UBE2M: variants seen among roughly 807,000 people sequenced by gnomAD.
UBE2M encodes the protein NEDD8-conjugating enzyme Ubc12.
A neutral mutation model predicts 23.5 loss-of-function variants in UBE2M; 2 were observed. The ratio of observed to expected loss-of-function variants is 0.09; its 90% CI spans 0.03 to 0.27. UBE2M has a LOEUF of 0.27. Ranked by LOEUF, UBE2M falls within the 10% of genes least tolerant of loss-of-function variation. The probability of loss-of-function intolerance (pLI) is 1.00; values close to 1 mark genes in which losing one functional copy is unlikely to be tolerated. For missense variants in UBE2M, 103 were observed against 232.9 expected (o/e 0.44, Z 3.63); for synonymous variants, 97 against 95.2 (o/e 1.02, Z -0.11).
At position 58,557,118 on chromosome 19, in the gene UBE2M, C is replaced by A. The variant is rs137890092; in HGVS notation, c.149G>T (p.Ser50Ile). ...GAGGAGGTCGTCTGGATCTGAGAAG[C>A]TGATATCACACGTCTTGGGCAGGTT... The part of the protein sequence containing the change: ...ELNLPKTCDI[S>I]FSDPDDLLNF... Residue 50 changes from serine to isoleucine, a missense_variant, in exon 2 of 6, where the codon AGC (serine) becomes ATC (isoleucine). Around this residue, in one of 3 missense-constraint regions of UBE2M, gnomAD observed 57 missense variants for 103.3 expected, o/e 0.55. Coordinates refer to ENST00000253023, the MANE Select transcript of UBE2M (RefSeq NM_003969.4). 2.8e-3 allele frequency: 4,460 copies of A among 1,614,040 alleles called. 11 individuals carry two copies. The highest frequency in any genetic ancestry group is 3.4e-3 in the Non-Finnish European group (4,048 of 1,179,982).
intron 1 of UBE2M, among the ~76,000 whole-genome samples, chr19:58,557,886 C>T (rs567153733): frequency 6.6e-6 from 1 of 151,914 alleles, no homozygotes; most frequent in South Asian, 2.1e-4. Context: ...ACTAAATCCT[C>T]TTCCACTCAT....
In UBE2M at chr19:58,556,146, C is replaced by T; in HGVS notation, c.495G>A (p.Gln165=). Residue 165 remains glutamine (Q), a synonymous_variant, in exon 6 of 6, where the codon CAG becomes CAA. Coordinates refer to ENST00000253023, the MANE Select transcript of UBE2M (RefSeq NM_003969.4). This position sits in a 1 kb window ranked among gnomAD's most constrained non-coding sequence, Gnocchi z 4.9. ...CGATGTAGCCACCCCGCATGGAGCG[C>T]TGCACGTTCTGCTCAAACAGCCGCC... The part of the protein sequence containing the change: ...NNRRLFEQNV[Q]RSMRGGYIGS... 1.9e-6 allele frequency: 3 copies of T among 1,613,864 alleles called. No individual in the cohort carries two copies. The highest frequency in any genetic ancestry group is 2.5e-6 in the Non-Finnish European group (3 of 1,179,982).
intron 1 of UBE2M, among the ~76,000 whole-genome samples, chr19:58,557,743 C>T (rs1009429983): frequency 6.6e-6 from 1 of 151,158 alleles, no homozygotes; most frequent in Non-Finnish European, 1.5e-5. Context: ...CCCTGGTACT[C>T]ATTAACCTTC....
At position 58,558,269 on chromosome 19, in the gene UBE2M, C is replaced by G. The variant is rs755471647; in HGVS notation, c.109+4G>C. 3 of 1,600,598 alleles carry G rather than the reference C, an allele frequency of 1.9e-6. No homozygotes were observed. The highest frequency in any genetic ancestry group is 1.7e-4 in the Middle Eastern group (1 of 6,050). The stretch of plus-strand genomic sequence containing the variant: ...GGCTCCAACCCCATCCCCTGACCCC[C>G]TACCCTTCTGGATCCGCAGCTGCGC... On this transcript the variant is annotated splice_donor_region_variant and intron_variant, in intron 1 of 5. Transcript: ENST00000253023. This position sits in a 1 kb window ranked among gnomAD's most constrained non-coding sequence, Gnocchi z 4.7.
chr19:58,557,757 C>T lies in UBE2M; in HGVS notation c.109+516G>A, dbSNP rs2053902060. On this transcript the variant is annotated intron_variant, in intron 1 of 5. Transcript: ENST00000253023. ...TCCCTGGTACTCATTAACCTTCCCT[C>T]CTCCACCTGTCACCCCAAACCCCAA... Among the ~76,000 whole-genome samples the T allele has an allele frequency of 2.6e-5, 4 of 151,834 alleles. No homozygotes were observed. The South Asian group carries it at 8.3e-4, about 32-fold the overall frequency.
Position 58,556,663 on chromosome 19 carries a change from G to C in UBE2M, c.347+24C>G. The C allele has an allele frequency of 3.3e-6, 5 of 1,514,256 alleles. No homozygotes were observed. Among genetic ancestry groups the C allele is most frequent in the Non-Finnish European group, 4.4e-6 (5 of 1,131,304 alleles). The allele number at this position is 1,514,256 out of a possible 1,614,324, so 93.8% of individuals were successfully genotyped here. On this transcript the variant is annotated intron_variant, in intron 4 of 5. Coordinates refer to ENST00000253023, the MANE Select transcript of UBE2M (RefSeq NM_003969.4). This position sits in a 1 kb window ranked among gnomAD's most constrained non-coding sequence, Gnocchi z 4.9. ...GGCCTGGCAGGCAGCGCTGAGGAGG[G>C]CATTAGAGGGCCAGTGTCCTCACCT...
Position 58,555,849 on chromosome 19 carries a change from G to A in UBE2M, c.*240C>T, listed in dbSNP as rs1177295191. On this transcript the variant is annotated 3_prime_UTR_variant, in exon 6 of 6. Coordinates refer to ENST00000253023, the MANE Select transcript of UBE2M (RefSeq NM_003969.4). ...GGGCTGAACAAGCACCCAGCAGGGG[G>A]GCTAGACAAGCCAATTCATTTCCCA... 4 of 572,526 alleles carry A rather than the reference G, an allele frequency of 7.0e-6. No individual in the cohort carries two copies. The highest frequency in any genetic ancestry group is 3.1e-5 in the Admixed American group (1 of 32,498). The allele number at this position is 572,526 out of a possible 1,614,324, so 35.5% of individuals were successfully genotyped here. A position where few individuals can be genotyped will look rare whatever the true frequency, so the allele number is the denominator to read the frequency against.
Position 58,558,133 on chromosome 19 carries a change from G to C in UBE2M, c.109+140C>G. 1 of 645,050 alleles carries C rather than the reference G, an allele frequency of 1.6e-6. No homozygotes were observed. Among genetic ancestry groups the C allele is most frequent in the Non-Finnish European group, 2.6e-6 (1 of 390,084 alleles). The allele number at this position is 645,050 out of a possible 1,614,324, so 40.0% of individuals were successfully genotyped here. On this transcript the variant is annotated intron_variant, in intron 1 of 5. Coordinates refer to ENST00000253023, the MANE Select transcript of UBE2M (RefSeq NM_003969.4). The surrounding 1 kb of genome is among the most constrained non-coding windows in gnomAD (Gnocchi z 4.7). ...TGCATGATCCCAACCCTCAAGACTT[G>C]ACCTCCGACCCCCCCCACGCTCGGG... is the stretch of plus-strand genomic sequence containing the variant.
chr19:58,558,532 T>G lies in UBE2M; in HGVS notation c.-151A>C, dbSNP rs910619239. On this transcript the variant is annotated 5_prime_UTR_variant, in exon 1 of 6. Transcript: ENST00000253023. This position sits in a 1 kb window ranked among gnomAD's most constrained non-coding sequence, Gnocchi z 4.7. ...CCACCCGCCCGGCCTGCCGCGCCGC[T>G]CCGCTCCTCTCCGCGCCCACCGCGC... The G allele has an allele frequency of 4.4e-5, 9 of 203,080 alleles. 1 individual carries two copies. The highest frequency in any genetic ancestry group is 5.0e-3 in the Middle Eastern group (2 of 398). The allele number at this position is 203,080 out of a possible 1,614,324, so 12.6% of individuals were successfully genotyped here. A position where few individuals can be genotyped will look rare whatever the true frequency, so the allele number is the denominator to read the frequency against.
chr19:58,558,184 C>T lies in UBE2M; in HGVS notation c.109+89G>A. 8.6e-7 allele frequency: 1 copy of T among 1,164,940 alleles called. No individual in the cohort carries two copies. The highest frequency in any genetic ancestry group is 1.2e-6 in the Non-Finnish European group (1 of 832,644). The allele number at this position is 1,164,940 out of a possible 1,614,324, so 72.2% of individuals were successfully genotyped here. A position where few individuals can be genotyped will look rare whatever the true frequency, so the allele number is the denominator to read the frequency against. The stretch of plus-strand genomic sequence containing the variant: ...GCCCTTCACCTCTGACCCTCAGCAA[C>T]CGCATTACCCCTTCCTGACTCCCAC... On this transcript the variant is annotated intron_variant, in intron 1 of 5. Transcript: ENST00000253023. The surrounding 1 kb of genome is among the most constrained non-coding windows in gnomAD (Gnocchi z 4.7).
At position 58,557,069 on chromosome 19, in the gene UBE2M, A is replaced by T. The variant is rs1353887287; in HGVS notation, c.198T>A (p.Pro66=). ...CAGCCATATGCACCCTCACCTCATC[A>T]GGACAGATGACCAGCTTGAAGTTGA... ...DLLNFKLVIC[P]DEGFYKSGKF... Residue 66 remains proline, a synonymous_variant, in exon 2 of 6, where the codon CCT becomes CCA. Transcript: ENST00000253023. The T allele has an allele frequency of 6.2e-7, 1 of 1,614,068 alleles. No homozygotes were observed. The highest frequency in any genetic ancestry group is 1.1e-5 in the South Asian group (1 of 91,084).
Position 58,557,140 on chromosome 19 carries a change from G to A in UBE2M, c.127C>T (p.Leu43=), listed in dbSNP as rs370510222. Residue 43 remains leucine (L), a synonymous_variant, in exon 2 of 6, where the codon CTG becomes TTG. Transcript: ENST00000253023. ...AAGCTGATATCACACGTCTTGGGCA[G>A]GTTCAGCTCGTTTATGTCTGGGTTT... The part of the protein sequence containing the change: ...RIQKDINELN[L]PKTCDISFSD... The A allele has an allele frequency of 6.2e-7, 1 of 1,613,896 alleles. No homozygotes were observed. The highest frequency in any genetic ancestry group is 1.3e-5 in the African/African-American group (1 of 74,870).
rs374482215 is a variant in UBE2M at position 58,556,249 on chromosome 19, G to C, written c.412-20C>G. 4.9e-5 allele frequency: 79 copies of C among 1,613,842 alleles called. No homozygotes were observed. Among genetic ancestry groups the C allele is most frequent in the South Asian group, 3.7e-4 (34 of 91,086 alleles). On this transcript the variant is annotated intron_variant, in intron 5 of 5. Coordinates refer to ENST00000253023, the MANE Select transcript of UBE2M (RefSeq NM_003969.4). This position sits in a 1 kb window ranked among gnomAD's most constrained non-coding sequence, Gnocchi z 4.9. The stretch of plus-strand genomic sequence containing the variant: ...GGGCTCCTGTGGCCAGTACAGGTAG[G>C]GGGGGTCAACAGGCCAGAGGGACAG...
Position 58,557,236 on chromosome 19 carries a change from G to T in UBE2M, c.110-79C>A, listed in dbSNP as rs552670403. 5.5e-6 allele frequency: 8 copies of T among 1,456,996 alleles called. No homozygotes were observed. The South Asian group carries it at 9.1e-5, about 17-fold the overall frequency. 90.3% of individuals were successfully genotyped at this position (1,456,996 alleles called of 1,614,324 possible). On this transcript the variant is annotated intron_variant, in intron 1 of 5. Coordinates refer to ENST00000253023, the MANE Select transcript of UBE2M (RefSeq NM_003969.4). ...AGAGAGGGAGCCAGCAGGACACTTA[G>T]GGCGGGTGTTTGTTAGCAGAGCCCC... is the stretch of plus-strand genomic sequence containing the variant.
chr19:58,556,430 C>T lies in UBE2M; in HGVS notation c.348-51G>A, dbSNP rs1484368049. The T allele has an allele frequency of 1.9e-6, 3 of 1,589,848 alleles. No homozygotes were observed. Among genetic ancestry groups the T allele is most frequent in the Admixed American group, 3.4e-5 (2 of 59,658 alleles). ...GGGCTTGGTGAGTGGGAGACTGCCA[C>T]AGGCCCCTCTGGTGTTGGGCAGGTC... On this transcript the variant is annotated intron_variant, in intron 4 of 5. Transcript: ENST00000253023. The surrounding 1 kb of genome is among the most constrained non-coding windows in gnomAD (Gnocchi z 4.9).
intron 1 of UBE2M, among the ~76,000 whole-genome samples, chr19:58,557,750 C>A (rs2053902003): frequency 6.6e-6 from 1 of 151,578 alleles, no homozygotes; most frequent in Admixed American, 6.6e-5. Flanking sequence ...ACTCATTAAC[C>A]TTCCCTCCTC....
chr19:58,556,465 G>A lies in UBE2M; in HGVS notation c.348-86C>T, dbSNP rs1311955399. 4 of 1,428,364 alleles carry A rather than the reference G, an allele frequency of 2.8e-6. No homozygotes were observed. The African/African-American group carries it at 5.6e-5, about 20-fold the overall frequency. The allele number at this position is 1,428,364 out of a possible 1,614,324, so 88.5% of individuals were successfully genotyped here. A position where few individuals can be genotyped will look rare whatever the true frequency, so the allele number is the denominator to read the frequency against. ...TGGTGTTGGGCAGGTCAGATCCAGGGCATAGGAGAGTGAGCATGTGAGAGG... is the reference window on the plus strand; with the variant it reads ...TGGTGTTGGGCAGGTCAGATCCAGGACATAGGAGAGTGAGCATGTGAGAGG... On this transcript the variant is annotated intron_variant, in intron 4 of 5. Transcript: ENST00000253023. The surrounding 1 kb of genome is among the most constrained non-coding windows in gnomAD (Gnocchi z 4.9).
Position 58,557,116 on chromosome 19 carries a change from A to G in UBE2M, c.151T>C (p.Phe51Leu). 1.2e-6 allele frequency: 2 copies of G among 1,614,040 alleles called. No homozygotes were observed. Among genetic ancestry groups the G allele is most frequent in the Non-Finnish European group, 1.7e-6 (2 of 1,179,984 alleles). ...LNLPKTCDIS[F>L]SDPDDLLNFK... ...TTGAGGAGGTCGTCTGGATCTGAGA[A>G]GCTGATATCACACGTCTTGGGCAGG... The change falls in exon 2 of 6, where the codon TTC becomes CTC. Residue 51 changes from phenylalanine to leucine, a missense_variant. Phe to Leu is a conservative substitution (Grantham distance 22). Transcript: ENST00000253023.
rs1033163314 is a variant in UBE2M at position 58,558,144 on chromosome 19, C to T, written c.109+129G>A. On this transcript the variant is annotated intron_variant, in intron 1 of 5. Transcript: ENST00000253023. The surrounding 1 kb of genome is among the most constrained non-coding windows in gnomAD (Gnocchi z 4.7). ...AACCCTCAAGACTTGACCTCCGACC[C>T]CCCCCACGCTCGGGGCCCTTCACCT... 2 of 728,528 alleles carry T rather than the reference C, an allele frequency of 2.7e-6. No individual in the cohort carries two copies. Among genetic ancestry groups the T allele is most frequent in the Non-Finnish European group, 4.4e-6 (2 of 458,570 alleles). The allele number at this position is 728,528 out of a possible 1,614,324, so 45.1% of individuals were successfully genotyped here. A position where few individuals can be genotyped will look rare whatever the true frequency, so the allele number is the denominator to read the frequency against.
Sources: gnomAD v4.1 joint callset for allele counts (sites outside exome capture counted in the v4.1 genomes callset) on GRCh38, gnomAD v4.1.1 for gene constraint, gnomAD v4.1.1 regional missense constraint, Gnocchi (gnomAD v3.1) non-coding constraint, MANE v1.5 for transcripts, NCBI Gene and HGNC (gene_info 2026-07-23, HGNC 2026-07-21) for gene names.